FAM221A: variants seen among roughly 807,000 people sequenced by gnomAD.
FAM221A encodes protein FAM221A.
FAM221A carries 43 observed loss-of-function variants against 37.6 expected under a neutral mutation model. The ratio of observed to expected loss-of-function variants is 1.15; its 90% CI spans 0.90 to 1.48. FAM221A has a LOEUF of 1.48. Among genes scored for constraint, FAM221A ranks in the 40% most tolerant of loss-of-function variants. The probability of loss-of-function intolerance (pLI) is 0.00; values close to 1 mark genes in which losing one functional copy is unlikely to be tolerated. For missense variants in FAM221A, 361 were observed against 361.5 expected, an observed-to-expected ratio of 1.00 and a Z score of 0.01; for synonymous variants, 135 against 132.9, an observed-to-expected ratio of 1.02 and a Z score of -0.11.
intron 5 of FAM221A, 98 bp downstream of exon 5, chr7:23,698,397 G>A (rs1012469803): frequency 1.1e-5 from 8 of 707,044 alleles, no homozygotes; most frequent in African/African-American, 5.7e-5. Context: ...TCATTATTAC[G>A]ATAATTTAAC....
At chr7:23,701,230 T>A (rs1014180990) in intron 6 of FAM221A, among the ~76,000 whole-genome samples, 45 of 147,546 alleles carry the variant, frequency 3.0e-4, no homozygotes, top group Non-Finnish European at 5.0e-4. Context: ...GAATATATTT[T>A]GAATTCTCTT....
chr7:23,688,092 T>TGGAGTGCAGTGGCGTGATCTCGGC (rs1313720049), intron 2 of FAM221A: 9 of 152,160 alleles, frequency 5.9e-5, no homozygotes, highest in Admixed American at 2.0e-4. Flanking sequence ...TTGCCCAGGC[T>TGGAGTGCAGTGGCGTGATCTCGGC]GGAGTGCAGT....
At chr7:23,686,612 C>G (rs1784388148) in intron 2 of FAM221A, 1 of 165,850 alleles carries the variant, frequency 6.0e-6, no homozygotes, top group Admixed American at 6.0e-5. Flanking sequence ...TAGTACTGAT[C>G]CACTCAGTGA....
Position 23,691,423 on chromosome 7 carries a change from C to G in FAM221A, c.464C>G (p.Thr155Ser). 1 of 1,614,190 alleles carries G rather than the reference C, an allele frequency of 6.2e-7. No individual in the cohort carries two copies. Among genetic ancestry groups the G allele is most frequent in the Non-Finnish European group, 8.5e-7 (1 of 1,180,020 alleles). The change falls in exon 4 of 7, where the codon ACT becomes AGT. Residue 155 changes from threonine (T) to serine (S), a missense_variant. By Grantham distance (58) the Thr-to-Ser change is moderately conservative (BLOSUM62 1). Coordinates refer to ENST00000344962, the MANE Select transcript of FAM221A (RefSeq NM_199136.5). ...TGTTCAGGATTCCATAGCTGCTTCACTTGTGCTTGTGGTCAGCCTGCATAT... is the reference window on the plus strand; with the variant it reads ...TGTTCAGGATTCCATAGCTGCTTCAGTTGTGCTTGTGGTCAGCCTGCATAT... ...SKCSGFHSCF[T>S]CACGQPAYAH...
intron 1 of FAM221A, among the ~76,000 whole-genome samples, chr7:23,681,135 A>G (rs1784015932): frequency 6.6e-6 from 1 of 152,140 alleles, no homozygotes; most frequent in South Asian, 2.1e-4. Context: ...AACTGCCTGG[A>G]TATTCTGAGC....
intron 2 of FAM221A, 120 bp from the exon 3 acceptor site, chr7:23,689,148 TA>T (rs1784554154): frequency 4.8e-6 from 3 of 619,512 alleles, no homozygotes; most frequent in Admixed American, 3.0e-5. Flanking sequence ...TTCACCTTAC[TA>T]TGAAGAATAA....
chr7:23,691,594 T>C lies in FAM221A; in HGVS notation c.635T>C (p.Ile212Thr). Reference protein sequence around the residue: ...EGYMRLDDSGIGVPSVEFLES... With the variant: ...EGYMRLDDSGTGVPSVEFLES... ...TACATGCGGTTAGATGACAGTGGGA[T>C]TGGTAAGTGATACTATATGAAATGT... Residue 212 changes from isoleucine (I) to threonine (T), a missense_variant and splice_region_variant, in exon 4 of 7, where the codon ATT becomes ACT. Coordinates refer to ENST00000344962, the MANE Select transcript of FAM221A (RefSeq NM_199136.5). 6.2e-7 allele frequency: 1 copy of C among 1,613,652 alleles called. No individual in the cohort carries two copies. The highest frequency in any genetic ancestry group is 8.5e-7 in the Non-Finnish European group (1 of 1,179,576).
chr7:23,680,369 G>A, intron 1 of FAM221A, 86 bp downstream of exon 1: 1 of 1,097,296 alleles, frequency 9.1e-7, no homozygotes. Flanking sequence ...GGCCCGGCGG[G>A]CGTCCGCGGG....
chr7:23,698,093 A>C, intron 4 of FAM221A, 99 bp from the exon 5 acceptor site: 1 of 722,256 alleles, frequency 1.4e-6, no homozygotes, highest in East Asian at 2.9e-5. Flanking sequence ...AATTTCTAAT[A>C]ATTCTGCTGA....
chr7:23,690,852 T>C (rs1370809625), intron 3 of FAM221A, among the ~76,000 whole-genome samples: 4 of 152,234 alleles, frequency 2.6e-5, no homozygotes, highest in Admixed American at 2.6e-4. Context: ...GGACATTTTA[T>C]ATAAATAGAA....
At chr7:23,698,042 G>A in intron 4 of FAM221A, 150 bp from the exon 5 acceptor site, 3 of 560,780 alleles carry the variant, frequency 5.3e-6, no homozygotes, top group Non-Finnish European at 6.2e-6. Flanking sequence ...TTACAGGCAT[G>A]AGCCATTACA....
rs149346726 is a variant in FAM221A, at chr7:23,691,559, G to C, written c.600G>C (p.Leu200=). 196 of 1,614,040 alleles carry C rather than the reference G, an allele frequency of 1.2e-4. No homozygotes were observed. Among genetic ancestry groups the C allele is most frequent in the Non-Finnish European group, 1.6e-4 (192 of 1,180,026 alleles). ...GAGGATTAACTGGTTTCAGCTCGCTGGCGGAAGGCTACATGCGGTTAGATG... is the reference window on the plus strand; with the variant it reads ...GAGGATTAACTGGTTTCAGCTCGCTCGCGGAAGGCTACATGCGGTTAGATG... ...AMGGLTGFSS[L]AEGYMRLDDS... Residue 200 remains leucine, a synonymous_variant, in exon 4 of 7, where the codon CTG becomes CTC. Transcript: ENST00000344962.
At chr7:23,701,870 T>C (rs765657394) in intron 6 of FAM221A, among the ~76,000 whole-genome samples, 10 of 152,210 alleles carry the variant, frequency 6.6e-5, no homozygotes, top group Admixed American at 1.3e-4. Context: ...TTGTTTTCTC[T>C]AAAGCAATAT....
downstream of FAM221A, chr7:23,702,832 C>A: frequency 6.6e-6 from 1 of 152,230 alleles, no homozygotes; most frequent in East Asian, 1.9e-4. Flanking sequence ...CACTTTCCAG[C>A]AGGCTTCTGA....
intron 3 of FAM221A, among the ~76,000 whole-genome samples, chr7:23,689,890 C>G (rs2128041490): frequency 6.6e-6 from 1 of 151,984 alleles, no homozygotes. Context: ...CATTTTAATG[C>G]TTTGTATGCA....
rs780009666 is a variant in FAM221A at position 23,689,461 on chromosome 7, T to C, written c.430+2T>C. The C allele has an allele frequency of 1.3e-6, 2 of 1,545,158 alleles. No homozygotes were observed. Among genetic ancestry groups the C allele is most frequent in the Non-Finnish European group, 1.8e-6 (2 of 1,130,486 alleles). ...CGCCTGGCTTTACATGCAATACATGTGAGTTATATTATTATAAACACATAA... is the reference window on the plus strand; with the variant it reads ...CGCCTGGCTTTACATGCAATACATGCGAGTTATATTATTATAAACACATAA... On this transcript the variant is annotated splice_donor_variant, in intron 3 of 6. Coordinates refer to ENST00000344962, the MANE Select transcript of FAM221A (RefSeq NM_199136.5). LOFTEE classifies it high-confidence loss of function.
chr7:23,701,236 CTCTTTTTTTTTTT>C (rs1337475386), intron 6 of FAM221A, among the ~76,000 whole-genome samples: 1 of 72,746 alleles, frequency 1.4e-5, no homozygotes, highest in Non-Finnish European at 3.0e-5. Flanking sequence ...ATTTTGAATT[CTCTTTTTTTTTTT>C]TTTTTTTTGA....
At chr7:23,687,181 A>C (rs1275868920) in intron 2 of FAM221A, 1 of 152,266 alleles carries the variant, frequency 6.6e-6, no homozygotes, top group African/African-American at 2.4e-5. Context: ...CTGATCAAAA[A>C]CAAGATTTTT....
chr7:23,695,554 G>C (rs1584278530), intron 4 of FAM221A, among the ~76,000 whole-genome samples: 1 of 152,010 alleles, frequency 6.6e-6, no homozygotes, highest in East Asian at 1.9e-4. Flanking sequence ...TGTATTTTTA[G>C]TAGAGGCATG....
Sources: gnomAD v4.1 joint callset for allele counts (sites outside exome capture counted in the v4.1 genomes callset) on GRCh38, gnomAD v4.1.1 for gene constraint, MANE v1.5 for transcripts, NCBI Gene and HGNC (gene_info 2026-07-23, HGNC 2026-07-21) for gene names.